The following PIK3C2G variants were observed in gnomAD, a reference collection of about 807,000 sequenced individuals.
The protein encoded by PIK3C2G is phosphatidylinositol 3-kinase C2 domain-containing subunit gamma.
PIK3C2G carries 168 observed loss-of-function variants against 181.1 expected under a neutral mutation model. The ratio of observed to expected loss-of-function variants is 0.93; its 90% CI spans 0.82 to 1.05. PIK3C2G has a LOEUF of 1.05. Among genes scored for constraint, PIK3C2G ranks in the 50% least tolerant of loss-of-function variants. The pLI, the probability that PIK3C2G is intolerant of heterozygous loss-of-function variation, is 0.00. For synonymous variants in PIK3C2G, 573 were observed against 592.2 expected (o/e 0.97, Z 0.47); for missense variants, 1,869 against 1,732.8 (o/e 1.08, Z -1.40).
At chr12:18,303,212 CTT>C (rs770142754) in intron 5 of PIK3C2G, among the ~76,000 whole-genome samples, 12 of 140,318 alleles carry the variant, frequency 8.6e-5, no homozygotes, top group Non-Finnish European at 1.4e-4. Context: ...CTTTCTTTCT[CTT>C]TTCTTTCCTT....
At chr12:18,464,855 G>A (rs1327502451) in intron 18 of PIK3C2G, among the ~76,000 whole-genome samples, 1 of 151,898 alleles carries the variant, frequency 6.6e-6, no homozygotes, top group Non-Finnish European at 1.5e-5. Context: ...TGGATGCCAT[G>A]AATATTTATT....
downstream of PIK3C2G, among the ~76,000 whole-genome samples, chr12:18,652,041 T>C (rs954839872): frequency 5.3e-5 from 8 of 152,132 alleles, no homozygotes; most frequent in Non-Finnish European, 1.0e-4. Context: ...GTTTGTTAGT[T>C]TTACGTATAA....
intron 31 of PIK3C2G, among the ~76,000 whole-genome samples, chr12:18,637,405 T>TTA (rs1406341723): frequency 6.6e-6 from 1 of 151,600 alleles, no homozygotes; most frequent in Admixed American, 6.6e-5. Flanking sequence ...TAGATATTTT[T>TTA]TTTTTTTTTT....
intron 26 of PIK3C2G, among the ~76,000 whole-genome samples, chr12:18,547,669 A>AAAACAAAACAAAACAAAAC (rs1565495961): frequency 2.7e-5 from 3 of 112,140 alleles, no homozygotes; most frequent in African/African-American, 1.0e-4. Flanking sequence ...CAAAACAAAA[A>AAAACAAAACAAAACAAAAC]AAACCCTGCC....
intron 31 of PIK3C2G, among the ~76,000 whole-genome samples, chr12:18,635,279 C>A (rs1949542063): frequency 6.6e-6 from 1 of 152,200 alleles, no homozygotes; most frequent in Non-Finnish European, 1.5e-5. Context: ...GGAAAGAAGT[C>A]AGTGCAGCAG....
At chr12:18,639,210 T>C (rs1949737249) in intron 31 of PIK3C2G, among the ~76,000 whole-genome samples, 1 of 152,066 alleles carries the variant, frequency 6.6e-6, no homozygotes, top group Non-Finnish European at 1.5e-5. Context: ...AATGATATAA[T>C]TTTTAATATG....
At position 18,320,998 on chromosome 12, in the gene PIK3C2G, C is replaced by G. The variant is rs189270710; in HGVS notation, c.1174C>G (p.Leu392Val). Residue 392 changes from leucine (L) to valine (V), a missense_variant, in exon 7 of 33, where the codon CTT becomes GTT. Coordinates refer to ENST00000538779, the MANE Select transcript of PIK3C2G (RefSeq NM_001288772.2). ...EDHSQFYLNQLLEFMHIWKVS... is the reference protein window; with the variant it reads ...EDHSQFYLNQVLEFMHIWKVS... ...CCACAGTCAGTTTTATCTGAATCAA[C>G]TTCTAGAATTTATGCATATTTGGAA... The G allele has an allele frequency of 9.0e-4, 1,409 of 1,570,058 alleles. 9 individuals are homozygous for G. In the Middle Eastern group the frequency reaches 0.012, roughly 13 times the overall value.
intron 8 of PIK3C2G, 142 bp from the exon 9 acceptor site, chr12:18,338,284 T>C: frequency 1.5e-6 from 1 of 654,172 alleles, no homozygotes; most frequent in Non-Finnish European, 2.6e-6. Context: ...ACCAGAGTCT[T>C]GAGAACTTTC....
rs919587913 is a variant in PIK3C2G, at chr12:18,538,226, C to T, written c.3394C>T (p.His1132Tyr). Residue 1132 changes from histidine to tyrosine, a missense_variant, in exon 25 of 33, where the codon CAT (histidine) becomes TAT (tyrosine). Transcript: ENST00000538779. ...TACAGAGGGTGGGAAAAACCCACAG[C>T]ATTTTCAAGATTTTGTGGAACTTTG... ...FITEGGKNPQ[H>Y]FQDFVELCCR... The T allele has an allele frequency of 1.2e-6, 2 of 1,612,106 alleles. No individual in the cohort carries two copies. Among genetic ancestry groups the T allele is most frequent in the Non-Finnish European group, 1.7e-6 (2 of 1,178,770 alleles).
chr12:18,285,025 G>A (rs530292836), intron 2 of PIK3C2G, among the ~76,000 whole-genome samples: 7 of 152,124 alleles, frequency 4.6e-5, no homozygotes, highest in South Asian at 2.1e-4. Context: ...TAACAAGCTC[G>A]CCACAACCCA....
At chr12:18,346,229 TTTA>T (rs1192733152) in intron 10 of PIK3C2G, among the ~76,000 whole-genome samples, 1 of 152,204 alleles carries the variant, frequency 6.6e-6, no homozygotes, top group Admixed American at 6.5e-5. Context: ...CATCATCAAA[TTTA>T]TTATGATTAA....
At chr12:18,364,934 C>G (rs960887474) in intron 12 of PIK3C2G, among the ~76,000 whole-genome samples, 1 of 152,116 alleles carries the variant, frequency 6.6e-6, no homozygotes, top group African/African-American at 2.4e-5. Flanking sequence ...AGTTCAATCC[C>G]TAAAATTTTT....
chr12:18,510,253 A>G (rs1942119683), intron 24 of PIK3C2G, among the ~76,000 whole-genome samples: 1 of 152,214 alleles, frequency 6.6e-6, no homozygotes, highest in South Asian at 2.1e-4. Context: ...GGCATGTGCC[A>G]CAGTGCCCGA....
intron 18 of PIK3C2G, among the ~76,000 whole-genome samples, chr12:18,444,701 C>G (rs926260760): frequency 6.6e-6 from 1 of 152,014 alleles, no homozygotes; most frequent in Non-Finnish European, 1.5e-5. Context: ...TGGGATTGAA[C>G]TGATTTGACG....
intron 31 of PIK3C2G, among the ~76,000 whole-genome samples, chr12:18,639,911 T>C (rs1281851718): frequency 6.6e-6 from 1 of 152,010 alleles, no homozygotes; most frequent in South Asian, 2.1e-4. Context: ...CATTTTTAAA[T>C]CTTGTAGGTA....
chr12:18,424,394 T>G (rs186031820), intron 18 of PIK3C2G, among the ~76,000 whole-genome samples: 1 of 152,300 alleles, frequency 6.6e-6, no homozygotes, highest in Non-Finnish European at 1.5e-5. Flanking sequence ...TGGAAGAATA[T>G]GTGGTATAAA....
intron 16 of PIK3C2G, among the ~76,000 whole-genome samples, chr12:18,406,795 A>G (rs925627924): frequency 6.6e-6 from 1 of 152,170 alleles, no homozygotes; most frequent in African/African-American, 2.4e-5. Flanking sequence ...ACAATTATAG[A>G]TAAGTGTGGA....
chr12:18,594,362 C>T, intron 29 of PIK3C2G, 132 bp from the exon 30 acceptor site: 1 of 556,510 alleles, frequency 1.8e-6, no homozygotes, highest in Non-Finnish European at 3.1e-6. Context: ...TTCTAATATA[C>T]TTTCTCTCTA....
At chr12:18,263,608 G>A (rs1948347507) in intron 1 of PIK3C2G, among the ~76,000 whole-genome samples, 1 of 151,994 alleles carries the variant, frequency 6.6e-6, no homozygotes, top group African/African-American at 2.4e-5. Context: ...TATGCACCTG[G>A]TGAATTGACT....
Sources: allele counts gnomAD v4.1 joint callset (sites outside exome capture counted in the v4.1 genomes callset), GRCh38; gene constraint gnomAD v4.1.1; transcripts MANE v1.5; gene names NCBI Gene and HGNC (gene_info 2026-07-23, HGNC 2026-07-21).